Variants in NRIP1 observed in about 807,000 individuals in gnomAD.
NRIP1 encodes the protein nuclear receptor-interacting protein 1.
A neutral mutation model predicts 75.0 loss-of-function variants in NRIP1; 28 were observed. That is an observed-to-expected ratio of 0.37 (90% CI 0.28 to 0.51). The LOEUF is 0.51. Ranked by LOEUF, NRIP1 falls within the 20% of genes least tolerant of loss-of-function variation. The probability of loss-of-function intolerance (pLI) is 0.92; values close to 1 mark genes in which losing one functional copy is unlikely to be tolerated. For missense variants in NRIP1, 1,435 were observed against 1,343.7 expected, an observed-to-expected ratio of 1.07 and a Z score of -1.06; for synonymous variants, 526 against 487.6, an observed-to-expected ratio of 1.08 and a Z score of -1.04.
intron 3 of NRIP1, among the ~76,000 whole-genome samples, chr21:15,000,858 CA>C (rs780849063): frequency 5.2e-4 from 79 of 152,150 alleles, no homozygotes; most frequent in Non-Finnish European, 9.7e-4. Context: ...AAGGGAGTTC[CA>C]AAGTTCTTTG....
chr21:15,044,510 G>A (rs1031225325), intron 1 of NRIP1, among the ~76,000 whole-genome samples: 2 of 151,906 alleles, frequency 1.3e-5, no homozygotes, highest in Non-Finnish European at 2.9e-5. Context: ...GAGGTACCAT[G>A]CGAACTCCCT....
chr21:15,003,628 G>A (rs1026105171), intron 3 of NRIP1, among the ~76,000 whole-genome samples: 21 of 152,142 alleles, frequency 1.4e-4, no homozygotes, highest in African/African-American at 4.8e-4. Flanking sequence ...ACGGGTCAGC[G>A]TGTCCTCATC....
At chr21:15,027,019 T>C (rs918184635) in intron 2 of NRIP1, among the ~76,000 whole-genome samples, 1 of 152,072 alleles carries the variant, frequency 6.6e-6, no homozygotes, top group Non-Finnish European at 1.5e-5. Context: ...TATACACTTG[T>C]ACCCACAAAA....
In NRIP1 at chr21:14,964,931, C is replaced by A. The variant is rs1568934536; in HGVS notation, c.3262G>T (p.Asp1088Tyr). 16 of 1,613,654 alleles carry A rather than the reference C, an allele frequency of 9.9e-6. No homozygotes were observed. The highest frequency in any genetic ancestry group is 1.3e-5 in the African/African-American group (1 of 74,874). ...GCAGATGAAGCCTCCCTCCAAATGT[C>A]CTTGTCTTGTGTTTCTCGACTGGTA... ...SVTSRETQDK[D>Y]IWREASSAES... The change falls in exon 4 of 4, where the codon GAC becomes TAC. Residue 1088 changes from aspartate to tyrosine, a missense_variant. Asp to Tyr is a radical substitution (Grantham distance 160). Coordinates refer to ENST00000318948, the MANE Select transcript of NRIP1 (RefSeq NM_003489.4).
At chr21:15,044,352 G>A (rs910730523) in intron 1 of NRIP1, among the ~76,000 whole-genome samples, 96 of 150,576 alleles carry the variant, frequency 6.4e-4, no homozygotes, top group Middle Eastern at 3.4e-3. Context: ...TGACACTGAC[G>A]TGGAAAAGTT....
At chr21:15,008,028 C>T (rs1258300423) in intron 3 of NRIP1, among the ~76,000 whole-genome samples, 1 of 152,170 alleles carries the variant, frequency 6.6e-6, no homozygotes, top group Admixed American at 6.5e-5. Flanking sequence ...ACAACGCATT[C>T]CCAGAACCCT....
At chr21:15,025,479 G>C (rs968484908) in intron 2 of NRIP1, among the ~76,000 whole-genome samples, 1 of 151,868 alleles carries the variant, frequency 6.6e-6, no homozygotes, top group East Asian at 1.9e-4. Context: ...ATAAAATACG[G>C]GCTCATAAGC....
At chr21:15,009,900 GACAA>G (rs1421159652) in intron 3 of NRIP1, among the ~76,000 whole-genome samples, 3 of 152,188 alleles carry the variant, frequency 2.0e-5, no homozygotes, top group African/African-American at 4.8e-5. Context: ...AATAGAAACA[GACAA>G]ACAAATTATT....
At chr21:14,996,153 C>T (rs1303898832) in intron 3 of NRIP1, among the ~76,000 whole-genome samples, 3 of 152,006 alleles carry the variant, frequency 2.0e-5, no homozygotes. Context: ...CAAAACATAC[C>T]ATGGTATCAA....
At chr21:14,993,236 A>G in intron 3 of NRIP1, among the ~76,000 whole-genome samples, 1 of 136,870 alleles carries the variant, frequency 7.3e-6, no homozygotes, top group South Asian at 2.3e-4. Flanking sequence ...AGTAATGACC[A>G]AAAAAAAAAA....
chr21:14,971,975 T>C (rs946962108), intron 3 of NRIP1, among the ~76,000 whole-genome samples: 1 of 152,182 alleles, frequency 6.6e-6, no homozygotes, highest in South Asian at 2.1e-4. Context: ...TTACATGAAG[T>C]AGTGGAGAAA....
intron 3 of NRIP1, among the ~76,000 whole-genome samples, chr21:14,978,186 A>G (rs1441948585): frequency 3.3e-5 from 5 of 152,246 alleles, no homozygotes; most frequent in Admixed American, 1.3e-4. Flanking sequence ...TAACTCAAGC[A>G]TTCAACGCAA....
rs1182434623 is a variant in NRIP1, at chr21:14,964,702, A to G, written c.*14T>C. The G allele has an allele frequency of 6.6e-7, 1 of 1,508,382 alleles. No homozygotes were observed. The highest frequency in any genetic ancestry group is 1.4e-5 in the South Asian group (1 of 73,278). The allele number at this position is 1,508,382 out of a possible 1,614,324, so 93.4% of individuals were successfully genotyped here. Reference sequence around the variant, plus strand: ...TAGTTTTAAAAAGATCCAAAACTGGATGGCAGGTACATTTTATTCTGATTC... The same window carrying G: ...TAGTTTTAAAAAGATCCAAAACTGGGTGGCAGGTACATTTTATTCTGATTC... On this transcript the variant is annotated 3_prime_UTR_variant, in exon 4 of 4. Transcript: ENST00000318948.
intron 3 of NRIP1, among the ~76,000 whole-genome samples, chr21:14,983,700 C>T (rs1049263941): frequency 6.6e-6 from 1 of 152,172 alleles, no homozygotes; most frequent in Non-Finnish European, 1.5e-5. Flanking sequence ...TTGGTAAAGG[C>T]TGATGAAGCT....
intron 3 of NRIP1, among the ~76,000 whole-genome samples, chr21:14,985,060 C>T (rs73172303): frequency 0.02 from 3,098 of 152,256 alleles, 81 homozygotes; most frequent in African/African-American, 0.059. Context: ...ATTGAACCTG[C>T]AATATCTCTG....
At chr21:15,064,478 C>G (rs1568743664) in intron 1 of NRIP1, among the ~76,000 whole-genome samples, 1 of 152,072 alleles carries the variant, frequency 6.6e-6, no homozygotes, top group African/African-American at 2.4e-5. Flanking sequence ...ACGGCCGCCC[C>G]CTTGCCCAGA....
chr21:15,004,637 T>C (rs532760000), intron 3 of NRIP1, among the ~76,000 whole-genome samples: 1 of 152,374 alleles, frequency 6.6e-6, no homozygotes, highest in Admixed American at 6.5e-5. Context: ...TGGACATGGT[T>C]TCATTGTGCC....
intron 3 of NRIP1, among the ~76,000 whole-genome samples, chr21:14,977,415 C>T (rs2087103241): frequency 6.6e-6 from 1 of 152,000 alleles, no homozygotes; most frequent in African/African-American, 2.4e-5. Flanking sequence ...ACATTTTATC[C>T]GAAGGGATGA....
chr21:15,041,267 A>G (rs1036814214), intron 2 of NRIP1, among the ~76,000 whole-genome samples: 2 of 152,180 alleles, frequency 1.3e-5, no homozygotes, highest in African/African-American at 4.8e-5. Context: ...CCAACTTTAT[A>G]TAGTTTAAAA....
Sources: allele counts gnomAD v4.1 joint callset (sites outside exome capture counted in the v4.1 genomes callset), GRCh38; gene constraint gnomAD v4.1.1; transcripts MANE v1.5; gene names NCBI Gene and HGNC (gene_info 2026-07-23, HGNC 2026-07-21).